Variants in FBXO11 observed in about 807,000 individuals in gnomAD.
FBXO11 encodes the protein F-box protein 11, also known as F-box only protein 11.
A neutral mutation model predicts 117.0 loss-of-function variants in FBXO11; 13 were observed. The observed-to-expected ratio is 0.11, with a 90% confidence interval of 0.07 to 0.18. The LOEUF (loss-of-function observed/expected upper bound fraction) is 0.18, where lower values mean the gene tolerates loss of function less well. Ranked by LOEUF, FBXO11 falls within the 10% of genes least tolerant of loss-of-function variation. The pLI is 1.00. For synonymous variants in FBXO11, 490 were observed against 380.5 expected, an observed-to-expected ratio of 1.29 and a Z score of -3.35; for missense variants, 767 against 1,164.4, an observed-to-expected ratio of 0.66 and a Z score of 4.97.
chr2:47,840,800 A>C (rs190586276), intron 1 of FBXO11, among the ~76,000 whole-genome samples: 2 of 151,004 alleles, frequency 1.3e-5, no homozygotes, highest in Non-Finnish European at 3.0e-5. Flanking sequence ...CCCTGTCTCA[A>C]AATCAGTCAG....
At chr2:47,816,312 T>G (rs893734329) in intron 16 of FBXO11, among the ~76,000 whole-genome samples, 2 of 152,194 alleles carry the variant, frequency 1.3e-5, no homozygotes, top group African/African-American at 4.8e-5. Flanking sequence ...TCCGGGTAGC[T>G]GGGACCACAG....
chr2:47,828,963 G>A (rs1218613108), intron 11 of FBXO11, among the ~76,000 whole-genome samples: 2 of 152,008 alleles, frequency 1.3e-5, no homozygotes, highest in African/African-American at 4.8e-5. Context: ...CGCCCAGGCT[G>A]GAGTGCAGTG....
chr2:47,880,437 T>G (rs1274335402), intron 1 of FBXO11, among the ~76,000 whole-genome samples: 1 of 152,216 alleles, frequency 6.6e-6, no homozygotes, highest in Non-Finnish European at 1.5e-5. Context: ...AACATCCAAT[T>G]TCATTTTTTC....
intron 1 of FBXO11, among the ~76,000 whole-genome samples, chr2:47,885,705 A>G (rs1676780453): frequency 6.6e-6 from 1 of 152,238 alleles, no homozygotes; most frequent in African/African-American, 2.4e-5. Flanking sequence ...AGCCTTGAAG[A>G]GAGTGCCTAG....
intron 1 of FBXO11, among the ~76,000 whole-genome samples, chr2:47,873,656 C>A (rs529734358): frequency 1.3e-5 from 2 of 152,218 alleles, no homozygotes; most frequent in Non-Finnish European, 2.9e-5. Flanking sequence ...TACCTGCCGG[C>A]TGTTTCAACT....
At chr2:47,823,399 C>A (rs1176075518) in intron 11 of FBXO11, 39 bp from the exon 12 acceptor site, 1 of 1,428,552 alleles carries the variant, frequency 7.0e-7, no homozygotes, top group Non-Finnish European at 9.5e-7. Flanking sequence ...GTAAAGCCTA[C>A]TTTACAAAAA....
At chr2:47,830,486 A>C (rs1672095897) in intron 11 of FBXO11, among the ~76,000 whole-genome samples, 1 of 152,212 alleles carries the variant, frequency 6.6e-6, no homozygotes, top group African/African-American at 2.4e-5. Flanking sequence ...ACTAATGATA[A>C]ATAAATAAAG....
intron 4 of FBXO11, among the ~76,000 whole-genome samples, chr2:47,836,342 G>T (rs1385736818): frequency 6.6e-6 from 1 of 152,130 alleles, no homozygotes; most frequent in African/African-American, 2.4e-5. Context: ...AAAATTTTCA[G>T]TGTAGTTGCA....
At chr2:47,853,756 C>T (rs1404828713) in intron 1 of FBXO11, among the ~76,000 whole-genome samples, 4 of 152,146 alleles carry the variant, frequency 2.6e-5, no homozygotes, top group African/African-American at 9.7e-5. Flanking sequence ...GATGACCTCT[C>T]AACATTAGCT....
In FBXO11 at chr2:47,857,267, T is replaced by C. The variant is rs191276637; in HGVS notation, c.233-17498A>G. On this transcript the variant is annotated intron_variant, in intron 1 of 22. Transcript: ENST00000403359. ...TGGAGAGAAAAGATATACACAGCCA[T>C]TAATGAGCAAGAAGGTATTTTTTTT... is the stretch of plus-strand genomic sequence containing the variant. Among the ~76,000 whole-genome samples, 27 of 152,220 alleles carry C rather than the reference T, an allele frequency of 1.8e-4. No homozygotes were observed. The East Asian group carries it at 5.0e-3, about 28-fold the overall frequency.
chr2:47,854,203 T>C (rs1572849719), intron 1 of FBXO11, among the ~76,000 whole-genome samples: 1 of 151,968 alleles, frequency 6.6e-6, no homozygotes, highest in Non-Finnish European at 1.5e-5. Flanking sequence ...AATATTCTTT[T>C]TTTCTTTTTT....
intron 1 of FBXO11, among the ~76,000 whole-genome samples, chr2:47,864,375 G>C (rs956395277): frequency 6.6e-6 from 1 of 152,194 alleles, no homozygotes; most frequent in African/African-American, 2.4e-5. Flanking sequence ...ATCACCTGAG[G>C]TCAGGAGTTC....
At chr2:47,818,574 T>C (rs969937004) in intron 16 of FBXO11, 2 of 502,182 alleles carry the variant, frequency 4.0e-6, no homozygotes, top group Non-Finnish European at 7.1e-6. Flanking sequence ...TGAGCTCTTA[T>C]GGCACATGTG....
chr2:47,836,900 T>C, intron 4 of FBXO11: 1 of 371,664 alleles, frequency 2.7e-6, no homozygotes, highest in Non-Finnish European at 5.2e-6. Context: ...CCTCTTGTCT[T>C]ATTTTTTGAT....
At chr2:47,826,122 G>A (rs148389349) in intron 11 of FBXO11, among the ~76,000 whole-genome samples, 4 of 151,840 alleles carry the variant, frequency 2.6e-5, no homozygotes, top group Non-Finnish European at 5.9e-5. Flanking sequence ...GCAGTGGCAC[G>A]ATCTCGGCTC....
chr2:47,818,670 T>C lies in FBXO11; in HGVS notation c.2006+109A>G, dbSNP rs1671172802. 2.5e-5 allele frequency: 18 copies of C among 708,124 alleles called. 1 individual carries two copies. The South Asian group carries it at 3.7e-4, about 15-fold the overall frequency. 43.9% of individuals were successfully genotyped at this position (708,124 alleles called of 1,614,324 possible). A position where few individuals can be genotyped will look rare whatever the true frequency, so the allele number is the denominator to read the frequency against. ...ATTATTTTAAGAATGTGAATATATATACAATAGGGGGATAAAGATTGGGCA... is the reference window on the plus strand; with the variant it reads ...ATTATTTTAAGAATGTGAATATATACACAATAGGGGGATAAAGATTGGGCA... On this transcript the variant is annotated intron_variant, in intron 16 of 22. Coordinates refer to ENST00000403359, the MANE Select transcript of FBXO11 (RefSeq NM_001190274.2).
At position 47,834,649 on chromosome 2, in the gene FBXO11, G is replaced by C; in HGVS notation, c.864C>G (p.Ile288Met). 1 of 1,609,690 alleles carries C rather than the reference G, an allele frequency of 6.2e-7. No homozygotes were observed. The highest frequency in any genetic ancestry group is 8.5e-7 in the Non-Finnish European group (1 of 1,177,052). The change falls in exon 7 of 23, where the codon ATC (isoleucine) becomes ATG (methionine). Residue 288 changes from isoleucine to methionine, a missense_variant. Ile to Met is a conservative substitution (Grantham distance 10, BLOSUM62 1). Around this residue, in one of 10 missense-constraint regions of FBXO11, gnomAD observed 123 missense variants for 145.0 expected, o/e 0.85. Coordinates refer to ENST00000403359, the MANE Select transcript of FBXO11 (RefSeq NM_001190274.2). The part of the protein sequence containing the change: ...GVQEAHFDGL[I>M]FVHSGIYTDE... ...CAGTATATATTCCAGAATGAACAAA[G>C]ATAAGTCCATCAAAATGAGCCTCTT...
chr2:47,875,662 A>G (rs1335265115), intron 1 of FBXO11, among the ~76,000 whole-genome samples: 1 of 152,220 alleles, frequency 6.6e-6, no homozygotes, highest in African/African-American at 2.4e-5. Flanking sequence ...ACTGTAAGAT[A>G]GAATAATTTT....
At chr2:47,822,174 A>G (rs373500820) in intron 13 of FBXO11, 44 bp downstream of exon 13, 2 of 1,255,002 alleles carry the variant, frequency 1.6e-6, no homozygotes, top group African/African-American at 3.0e-5. Flanking sequence ...TATCAAGAAG[A>G]CATACAAATC....
Sources: gnomAD v4.1 joint callset for allele counts (sites outside exome capture counted in the v4.1 genomes callset) on GRCh38, gnomAD v4.1.1 for gene constraint, gnomAD v4.1.1 regional missense constraint, MANE v1.5 for transcripts, NCBI Gene and HGNC (gene_info 2026-07-23, HGNC 2026-07-21) for gene names.